The following MICAL3 variants were observed in gnomAD, a reference collection of about 807,000 sequenced individuals.
MICAL3 encodes the protein microtubule associated monooxygenase, calponin and LIM domain containing 3.
Under a neutral mutation model 207.4 loss-of-function variants are expected in MICAL3, and 62 were observed. The ratio of observed to expected loss-of-function variants is 0.30; its 90% CI spans 0.24 to 0.37. The LOEUF (loss-of-function observed/expected upper bound fraction) is 0.37, where lower values mean the gene tolerates loss of function less well. Among genes scored for constraint, MICAL3 ranks in the 10% least tolerant of loss-of-function variants. The probability of loss-of-function intolerance (pLI) is 1.00; values close to 1 mark genes in which losing one functional copy is unlikely to be tolerated. For synonymous variants in MICAL3, 1,077 were observed against 1,069.3 expected, an observed-to-expected ratio of 1.01 and a Z score of -0.14; for missense variants, 2,368 against 2,635.6, an observed-to-expected ratio of 0.90 and a Z score of 2.22.
At chr22:17,821,133 G>A (rs1020632316) in intron 25 of MICAL3, among the ~76,000 whole-genome samples, 1 of 151,946 alleles carries the variant, frequency 6.6e-6, no homozygotes, top group Non-Finnish European at 1.5e-5. Flanking sequence ...GTGACACGGG[G>A]TAGAGGACTC....
chr22:17,990,291 C>T (rs1422488805), intron 1 of MICAL3, among the ~76,000 whole-genome samples: 3 of 152,182 alleles, frequency 2.0e-5, no homozygotes, highest in South Asian at 2.1e-4. Flanking sequence ...CCCATCCAAA[C>T]ACCGCAAAGA....
intron 17 of MICAL3, among the ~76,000 whole-genome samples, chr22:17,866,255 G>A (rs1927097124): frequency 6.6e-6 from 1 of 152,206 alleles, no homozygotes; most frequent in Non-Finnish European, 1.5e-5. Context: ...GAAGGCCATT[G>A]AGCCATCACC....
chr22:18,006,471 C>T (rs559285641), intron 1 of MICAL3: 1 of 152,254 alleles, frequency 6.6e-6, no homozygotes, highest in South Asian at 2.1e-4. Context: ...TAGGGAGAAT[C>T]ATCTAATTCA....
chr22:17,839,355 CA>C, intron 20 of MICAL3, among the ~76,000 whole-genome samples: 1 of 149,680 alleles, frequency 6.7e-6, no homozygotes. Flanking sequence ...CTCCTGGGTT[CA>C]AGCGATTCTC....
At chr22:17,924,539 A>C (rs1478768003) in intron 1 of MICAL3, among the ~76,000 whole-genome samples, 2 of 152,184 alleles carry the variant, frequency 1.3e-5, no homozygotes, top group Admixed American at 6.5e-5. Flanking sequence ...CTCAAAGGAA[A>C]CACTCAATGG....
intron 1 of MICAL3, among the ~76,000 whole-genome samples, chr22:17,951,316 C>T (rs1394627491): frequency 6.6e-6 from 1 of 152,148 alleles, no homozygotes; most frequent in Non-Finnish European, 1.5e-5. Context: ...AACCTCTCCA[C>T]GTCCATCTTC....
chr22:17,791,112 G>A (rs1160212004), intron 30 of MICAL3, 41 bp from the exon 31 acceptor site: 1 of 1,606,246 alleles, frequency 6.2e-7, no homozygotes, highest in Admixed American at 1.7e-5. Flanking sequence ...CACAGTGACT[G>A]GGGACCACCC....
intron 16 of MICAL3, among the ~76,000 whole-genome samples, chr22:17,877,584 A>T (rs1928974428): frequency 6.7e-6 from 1 of 150,338 alleles, no homozygotes; most frequent in Admixed American, 6.8e-5. Flanking sequence ...TAGGGAAGTT[A>T]TGGAGGTTAG....
At chr22:17,885,486 G>A (rs1231801116) in intron 16 of MICAL3, among the ~76,000 whole-genome samples, 2 of 152,160 alleles carry the variant, frequency 1.3e-5, no homozygotes, top group African/African-American at 4.8e-5. Context: ...AGAAGGGCAG[G>A]AAAATATTAA....
Position 17,900,772 on chromosome 22 carries a change from T to C in MICAL3, c.847+70A>G, listed in dbSNP as rs958896942. The C allele has an allele frequency of 7.0e-7, 1 of 1,435,074 alleles. No homozygotes were observed. The highest frequency in any genetic ancestry group is 9.7e-7 in the Non-Finnish European group (1 of 1,027,056). 88.9% of individuals were successfully genotyped at this position (1,435,074 alleles called of 1,614,324 possible). ...CACCGACGGCCACTCACCCCACCAA[T>C]CCCCCAAGAAAAAGCCACCAGGGAC... is the stretch of plus-strand genomic sequence containing the variant. On this transcript the variant is annotated intron_variant, in intron 6 of 31. Transcript: ENST00000441493. This position sits in a 1 kb window ranked among gnomAD's most constrained non-coding sequence, Gnocchi z 4.0.
At chr22:17,864,298 G>C in intron 19 of MICAL3, 1 of 1,087,952 alleles carries the variant, frequency 9.2e-7, no homozygotes, top group Non-Finnish European at 1.1e-6. Flanking sequence ...AAGCCCAGTG[G>C]CCAAGGGGTC....
At position 17,822,018 on chromosome 22, in the gene MICAL3, A is replaced by T. The variant is rs5992113; in HGVS notation, c.3448+12T>A. 1 of 1,612,770 alleles carries T rather than the reference A, an allele frequency of 6.2e-7. No homozygotes were observed. Among genetic ancestry groups the T allele is most frequent in the African/African-American group, 1.3e-5 (1 of 74,934 alleles). Reference sequence around the variant, plus strand: ...TTCTGAAAGTTGTTTCTCCCATCAAAGACAGGCTCACCTCTCTCTTGGTGC... The same window carrying T: ...TTCTGAAAGTTGTTTCTCCCATCAATGACAGGCTCACCTCTCTCTTGGTGC... On this transcript the variant is annotated intron_variant, in intron 24 of 31. Coordinates refer to ENST00000441493, the MANE Select transcript of MICAL3 (RefSeq NM_015241.3).
intron 23 of MICAL3, 123 bp from the exon 24 acceptor site, chr22:17,822,293 C>T (rs2146020586): frequency 7.9e-7 from 1 of 1,266,248 alleles, no homozygotes; most frequent in East Asian, 2.6e-5. Context: ...GGCCTGGAGG[C>T]CCTTCTTACG....
At position 17,818,279 on chromosome 22, in the gene MICAL3, G is replaced by A. The variant is rs1242373085; in HGVS notation, c.4382C>T (p.Pro1461Leu). 9 of 1,510,282 alleles carry A rather than the reference G, an allele frequency of 6.0e-6. No homozygotes were observed. The highest frequency in any genetic ancestry group is 7.9e-6 in the Non-Finnish European group (9 of 1,134,244). 93.6% of individuals were successfully genotyped at this position (1,510,282 alleles called of 1,614,324 possible). ...GGGCTCCTCGCCCGGGGGTGGCGGT[G>A]GGGGCGGGCTGGAGGGGGGCGTGAG... ...AMLTPPSSPP[P>L]PPPPGEEPAT... is the part of the protein sequence containing the mutation. The change falls in exon 26 of 32, where the codon CCA becomes CTA. Residue 1461 changes from proline to leucine, a missense_variant. By Grantham distance (98) the Pro-to-Leu change is moderately conservative. Coordinates refer to ENST00000441493, the MANE Select transcript of MICAL3 (RefSeq NM_015241.3).
chr22:17,959,196 T>C (rs1314215891), intron 1 of MICAL3, among the ~76,000 whole-genome samples: 2 of 150,128 alleles, frequency 1.3e-5, no homozygotes, highest in East Asian at 3.9e-4. Context: ...TTTGCATTTT[T>C]AGTAGAGATG....
At position 17,980,897 on chromosome 22, in the gene MICAL3, C is replaced by T. The variant is rs572241069; in HGVS notation, c.-75+43384G>A. ...CTCACTTCCGACTAAGTGCCAGGTC[C>T]TGCACTTTCGCTGGGCCTGCCCCGG... On this transcript the variant is annotated intron_variant, in intron 1 of 31. Transcript: ENST00000441493. 2.3e-4 allele frequency: 122 copies of T among 533,676 alleles called. 2 individuals are homozygous for T. Among genetic ancestry groups the T allele is most frequent in the South Asian group, 1.7e-3 (120 of 71,562 alleles). 33.1% of individuals were successfully genotyped at this position (533,676 alleles called of 1,614,324 possible).
At chr22:17,860,918 A>G in intron 19 of MICAL3, 1 of 985,250 alleles carries the variant, frequency 1.0e-6, no homozygotes, top group Non-Finnish European at 1.2e-6. Context: ...CTTCACAATT[A>G]TTATAATTAC....
chr22:17,830,176 A>ACC (rs927003968), intron 21 of MICAL3, among the ~76,000 whole-genome samples: 1 of 152,020 alleles, frequency 6.6e-6, no homozygotes, highest in African/African-American at 2.4e-5. Context: ...GGAGCCAGAG[A>ACC]CCCACACAGC....
chr22:17,946,991 A>T (rs781477646), intron 1 of MICAL3, among the ~76,000 whole-genome samples: 1 of 152,230 alleles, frequency 6.6e-6, no homozygotes, highest in Non-Finnish European at 1.5e-5. Flanking sequence ...GATTTCAAAG[A>T]GTATGGACTG....
Sources: gnomAD v4.1 joint callset for allele counts (sites outside exome capture counted in the v4.1 genomes callset) on GRCh38, gnomAD v4.1.1 for gene constraint, Gnocchi (gnomAD v3.1) non-coding constraint, MANE v1.5 for transcripts, NCBI Gene and HGNC (gene_info 2026-07-23, HGNC 2026-07-21) for gene names.